The following SCHIP1 variants were observed in gnomAD, a reference collection of about 807,000 sequenced individuals.
SCHIP1 encodes schwannomin-interacting protein 1.
In SCHIP1, 8 loss-of-function variants were observed where a neutral mutation model predicts 29.7. The ratio of observed to expected loss-of-function variants is 0.27; its 90% CI spans 0.16 to 0.49. The LOEUF is 0.49. SCHIP1 is among the 20% of genes least tolerant of loss of function. The pLI is 0.99. For synonymous variants in SCHIP1, 76 were observed against 94.9 expected (o/e 0.80, Z 1.16); for missense variants, 193 against 294.6 (o/e 0.66, Z 2.52).
chr3:159,358,265 G>A, the SCHIP1 span, among the ~76,000 whole-genome samples: 1 of 152,170 alleles, frequency 6.6e-6, no homozygotes, highest in African/African-American at 2.4e-5. Context: ...ATTATCCCCA[G>A]CACCTACTGT....
the SCHIP1 span, among the ~76,000 whole-genome samples, chr3:159,774,867 TC>T: frequency 6.6e-6 from 1 of 152,380 alleles, no homozygotes; most frequent in Non-Finnish European, 1.5e-5. Context: ...CCTCTGTATC[TC>T]CACCCAAACA....
the SCHIP1 span, among the ~76,000 whole-genome samples, chr3:159,796,579 G>T: frequency 6.6e-6 from 1 of 152,120 alleles, no homozygotes; most frequent in Non-Finnish European, 1.5e-5. Context: ...AAAGCCATCT[G>T]CTTAGCTACA....
Position 159,861,243 on chromosome 3 carries a change from G to A in SCHIP1, c.31-4920G>A, listed in dbSNP as rs774097050. 6.6e-6 allele frequency among the ~76,000 whole-genome samples: 1 copy of A among 152,156 alleles called. No homozygotes were observed. Among genetic ancestry groups the A allele is most frequent in the Non-Finnish European group, 1.5e-5 (1 of 68,028 alleles). On this transcript the variant is annotated intron_variant, in intron 1 of 6. Coordinates refer to ENST00000445224, the Ensembl canonical transcript of SCHIP1. The surrounding 1 kb of genome is among the most constrained non-coding windows in gnomAD (Gnocchi z 4.1). ...GCAGGAAGGCAGAACCTGGGGAGGGGATGCAGGAATGATCTTGGTGTGTAA... is the reference window on the plus strand; with the variant it reads ...GCAGGAAGGCAGAACCTGGGGAGGGAATGCAGGAATGATCTTGGTGTGTAA...
the SCHIP1 span, among the ~76,000 whole-genome samples, chr3:159,566,240 T>C: frequency 1.3e-5 from 2 of 152,220 alleles, no homozygotes; most frequent in Non-Finnish European, 2.9e-5. Flanking sequence ...TTCCTCTCAG[T>C]GCACAAATAA....
the SCHIP1 span, among the ~76,000 whole-genome samples, chr3:159,713,234 A>AAGAAAG: frequency 8.5e-5 from 1 of 11,696 alleles, no homozygotes; most frequent in Non-Finnish European, 2.2e-4. Flanking sequence ...GAAAGAAAGG[A>AAGAAAG]AGAAAGAAAG....
chr3:159,789,255 T>C, the SCHIP1 span, among the ~76,000 whole-genome samples: 1 of 152,178 alleles, frequency 6.6e-6, no homozygotes, highest in Non-Finnish European at 1.5e-5. Context: ...GTCTAAAGGC[T>C]GTCTGGAGGC....
At chr3:159,603,875 G>A in the SCHIP1 span, among the ~76,000 whole-genome samples, 1 of 152,104 alleles carries the variant, frequency 6.6e-6, no homozygotes, top group Admixed American at 6.5e-5. Flanking sequence ...TCCTGAGGGA[G>A]CACAGGACAT....
chr3:159,726,132 T>C, the SCHIP1 span, among the ~76,000 whole-genome samples: 1 of 152,188 alleles, frequency 6.6e-6, no homozygotes, highest in African/African-American at 2.4e-5. Context: ...AATGAAGGTA[T>C]ATAGTTTTTC....
the SCHIP1 span, among the ~76,000 whole-genome samples, chr3:159,382,573 G>A: frequency 1.3e-5 from 2 of 152,110 alleles, no homozygotes; most frequent in African/African-American, 2.4e-5. Flanking sequence ...ACATACGTGT[G>A]CATGTGTCTT....
the SCHIP1 span, among the ~76,000 whole-genome samples, chr3:159,538,971 C>T: frequency 6.6e-6 from 1 of 152,094 alleles, no homozygotes; most frequent in Non-Finnish European, 1.5e-5. Context: ...GAGCCTCTGC[C>T]TGCCTTCCCC....
At chr3:159,460,063 C>T in the SCHIP1 span, among the ~76,000 whole-genome samples, 3 of 152,172 alleles carry the variant, frequency 2.0e-5, no homozygotes, top group Non-Finnish European at 2.9e-5. Context: ...GGCTCCATGG[C>T]GGCTTCTCAT....
At chr3:159,328,979 G>C in the SCHIP1 span, among the ~76,000 whole-genome samples, 1 of 152,118 alleles carries the variant, frequency 6.6e-6, no homozygotes, top group Non-Finnish European at 1.5e-5. Context: ...ACATAATGTA[G>C]GTAAAGCAGC....
At chr3:159,504,818 C>T in the SCHIP1 span, among the ~76,000 whole-genome samples, 5 of 152,172 alleles carry the variant, frequency 3.3e-5, no homozygotes, top group East Asian at 5.8e-4. Flanking sequence ...TAATAACCCC[C>T]GTTTTCACTG....
At chr3:159,771,039 C>G in the SCHIP1 span, among the ~76,000 whole-genome samples, 5 of 152,210 alleles carry the variant, frequency 3.3e-5, no homozygotes, top group Non-Finnish European at 5.9e-5. Context: ...AAAGCAAATT[C>G]TTCTGACGAA....
At chr3:159,849,657 G>A (rs967466264) in intron 1 of SCHIP1, among the ~76,000 whole-genome samples, 4 of 152,160 alleles carry the variant, frequency 2.6e-5, no homozygotes, top group African/African-American at 7.2e-5. Flanking sequence ...GGGTCCTAGG[G>A]CTTCCTTTCC....
the SCHIP1 span, among the ~76,000 whole-genome samples, chr3:159,591,081 G>C: frequency 6.6e-6 from 1 of 152,118 alleles, no homozygotes; most frequent in Non-Finnish European, 1.5e-5. Flanking sequence ...GTTTGTTAGA[G>C]GATATAACTT....
the SCHIP1 span, among the ~76,000 whole-genome samples, chr3:159,575,850 T>C: frequency 6.6e-6 from 1 of 152,174 alleles, no homozygotes; most frequent in Admixed American, 6.5e-5. Flanking sequence ...TTTCCGATAT[T>C]TTTCCACTAT....
chr3:159,571,512 G>C, the SCHIP1 span, among the ~76,000 whole-genome samples: 2 of 152,194 alleles, frequency 1.3e-5, no homozygotes, highest in African/African-American at 4.8e-5. Flanking sequence ...CTTTTGATGT[G>C]CTGCTGGATT....
chr3:159,776,419 T>C, the SCHIP1 span, among the ~76,000 whole-genome samples: 18 of 149,850 alleles, frequency 1.2e-4, no homozygotes, highest in Non-Finnish European at 4.4e-5. Flanking sequence ...CCTGAATGGG[T>C]TGCCCAGTGC....
Sources: allele counts gnomAD v4.1 joint callset (sites outside exome capture counted in the v4.1 genomes callset), GRCh38; gene constraint gnomAD v4.1.1; non-coding constraint Gnocchi (gnomAD v3.1); transcripts MANE v1.5; gene names NCBI Gene and HGNC (gene_info 2026-07-23, HGNC 2026-07-21).